The following SI variants were observed in gnomAD, a reference collection of about 807,000 sequenced individuals.
SI encodes sucrase-isomaltase, intestinal.
Under a neutral mutation model 253.3 loss-of-function variants are expected in SI, and 235 were observed. That is an observed-to-expected ratio of 0.93 (90% CI 0.83 to 1.03). The LOEUF (loss-of-function observed/expected upper bound fraction) is 1.03. Ranked by LOEUF, SI falls within the 50% of genes least tolerant of loss-of-function variation. SI has a pLI of 0.00. For synonymous variants in SI, 819 were observed against 712.0 expected (o/e 1.15, Z -2.39); for missense variants, 2,442 against 2,211.1 (o/e 1.10, Z -2.09).
the SI span, among the ~76,000 whole-genome samples, chr3:165,083,903 C>G: frequency 6.6e-6 from 1 of 152,044 alleles, no homozygotes; most frequent in Non-Finnish European, 1.5e-5. Context: ...AAAGGAGTTT[C>G]ACTCATGCTT....
At chr3:164,999,042 C>T (rs1290332860) in intron 37 of SI, among the ~76,000 whole-genome samples, 3 of 151,874 alleles carry the variant, frequency 2.0e-5, no homozygotes, top group Non-Finnish European at 4.4e-5. Context: ...CTATTCATTG[C>T]CCCAACGCCT....
chr3:165,037,454 C>T (rs1712589705), intron 21 of SI, among the ~76,000 whole-genome samples: 1 of 151,826 alleles, frequency 6.6e-6, no homozygotes, highest in Admixed American at 6.6e-5. Flanking sequence ...TAGTTTCTCT[C>T]TCGCTCTTTA....
chr3:165,063,284 G>T (rs540881038), intron 8 of SI, among the ~76,000 whole-genome samples, 158 bp downstream of exon 8: 1 of 151,880 alleles, frequency 6.6e-6, no homozygotes, highest in South Asian at 2.1e-4. Flanking sequence ...AATTGATTTT[G>T]TCTTTAATTT....
chr3:164,991,313 T>C (rs779891666), intron 44 of SI, 40 bp downstream of exon 44: 2 of 1,610,562 alleles, frequency 1.2e-6, no homozygotes, highest in East Asian at 2.2e-5. Flanking sequence ...GCATGATGTA[T>C]CTCAAAATTT....
chr3:165,065,345 A>G lies in SI; in HGVS notation c.723T>C (p.Ile241=). The G allele has an allele frequency of 6.3e-7, 1 of 1,597,940 alleles. No individual in the cohort carries two copies. The highest frequency in any genetic ancestry group is 1.1e-5 in the South Asian group (1 of 90,754). ...TRLPSDYIYG[I]GEQVHKRFRH... Reference sequence around the variant, plus strand: ...GAAATCTCTTATGAACTTGTTCTCCAATACCATAAATATAATCACTTGGAA... The same window carrying G: ...GAAATCTCTTATGAACTTGTTCTCCGATACCATAAATATAATCACTTGGAA... The change falls in exon 7 of 48, where the codon ATT becomes ATC. Residue 241 remains isoleucine (I), a synonymous_variant. Transcript: ENST00000264382.
chr3:164,991,012 T>A (rs963710518), intron 44 of SI, among the ~76,000 whole-genome samples: 5 of 152,088 alleles, frequency 3.3e-5, no homozygotes, highest in Non-Finnish European at 5.9e-5. Context: ...AAATAATGGA[T>A]AGATTTGTTT....
intron 44 of SI, among the ~76,000 whole-genome samples, chr3:164,989,544 G>GAA (rs1717632971): frequency 6.6e-6 from 1 of 151,980 alleles, no homozygotes; most frequent in South Asian, 2.1e-4. Context: ...TGGACAGCAG[G>GAA]ACACTTAGTA....
chr3:164,984,931 C>T (rs1322307985), intron 45 of SI, among the ~76,000 whole-genome samples: 3 of 152,078 alleles, frequency 2.0e-5, no homozygotes, highest in African/African-American at 4.8e-5. Flanking sequence ...ATGGTTTTCG[C>T]TGTTAACTCA....
chr3:165,084,579 ATATT>A, the SI span, among the ~76,000 whole-genome samples: 3 of 151,982 alleles, frequency 2.0e-5, no homozygotes, highest in Non-Finnish European at 4.4e-5. Flanking sequence ...ATGTCTGAGA[ATATT>A]TATAATTATC....
intron 12 of SI, among the ~76,000 whole-genome samples, chr3:165,057,983 CT>C (rs1369344253): frequency 6.6e-6 from 1 of 151,766 alleles, no homozygotes; most frequent in East Asian, 1.9e-4. Context: ...TACAGACATT[CT>C]TTTTTTCAGC....
chr3:165,073,222 C>G lies in SI; in HGVS notation c.255+1309G>C, dbSNP rs559471759. On this transcript the variant is annotated intron_variant, in intron 3 of 47. Coordinates refer to ENST00000264382, the MANE Select transcript of SI (RefSeq NM_001041.4). Reference sequence around the variant, plus strand: ...TCTCTCTCTCTCTCTCTCTCTCTCTCTCTCTGTCTCTTTCCCTCTCTCTCT... The same window carrying G: ...TCTCTCTCTCTCTCTCTCTCTCTCTGTCTCTGTCTCTTTCCCTCTCTCTCT... 2.8e-3 allele frequency among the ~76,000 whole-genome samples: 377 copies of G among 132,496 alleles called. 2 individuals are homozygous for G. The highest frequency in any genetic ancestry group is 4.2e-3 in the Non-Finnish European group (262 of 62,906). 86.9% of individuals were successfully genotyped at this position (132,496 alleles called of 152,430 possible). A position where few individuals can be genotyped will look rare whatever the true frequency, so the allele number is the denominator to read the frequency against.
At chr3:165,076,442 G>C (rs1421292915) in intron 1 of SI, among the ~76,000 whole-genome samples, 3 of 151,656 alleles carry the variant, frequency 2.0e-5, no homozygotes, top group Non-Finnish European at 4.4e-5. Flanking sequence ...ACATTTTACT[G>C]ATCAGGAACT....
upstream of SI, among the ~76,000 whole-genome samples, chr3:165,081,376 G>T (rs1275038253): frequency 6.6e-6 from 1 of 151,932 alleles, no homozygotes; most frequent in Non-Finnish European, 1.5e-5. Flanking sequence ...GACACCTAGT[G>T]TAATTAGAAC....
rs1047177611 is a variant in SI, at chr3:165,046,740, G to A, written c.1887+101C>T. 4.1e-6 allele frequency: 4 copies of A among 970,038 alleles called. No individual in the cohort carries two copies. In the African/African-American group the frequency reaches 5.0e-5, roughly 12 times the overall value. 60.1% of individuals were successfully genotyped at this position (970,038 alleles called of 1,614,324 possible). A position where few individuals can be genotyped will look rare whatever the true frequency, so the allele number is the denominator to read the frequency against. The stretch of plus-strand genomic sequence containing the variant: ...AAAAATAAAAAACTGAATTATTTCT[G>A]TAACATGCCTTTTGATCATTTTACT... On this transcript the variant is annotated intron_variant, in intron 16 of 47. Transcript: ENST00000264382.
chr3:165,086,185 C>A, the SI span, among the ~76,000 whole-genome samples: 1 of 151,982 alleles, frequency 6.6e-6, no homozygotes, highest in African/African-American at 2.4e-5. Flanking sequence ...ACCCAGGAAG[C>A]AGAGGTTGCA....
rs569403507 is a variant in SI, at chr3:165,040,065, ATTG to A, written c.2160-97_2160-95del. 3.8e-4 allele frequency: 365 copies of A among 950,746 alleles called. 1 individual carries two copies. In the African/African-American group the frequency reaches 5.4e-3, roughly 14 times the overall value. The allele number at this position is 950,746 out of a possible 1,614,324, so 58.9% of individuals were successfully genotyped here. A position where few individuals can be genotyped will look rare whatever the true frequency, so the allele number is the denominator to read the frequency against. ...TTATCTTTTCAGTTTTTTCCTGGGA[ATTG>A]TTGTTATCTTGAATTGTGCTTGTTT... On this transcript the variant is annotated intron_variant, in intron 18 of 47. Transcript: ENST00000264382.
At chr3:165,071,715 G>A (rs1714588778) in intron 3 of SI, among the ~76,000 whole-genome samples, 1 of 151,956 alleles carries the variant, frequency 6.6e-6, no homozygotes. Flanking sequence ...ATAAGAAGAG[G>A]AAAAGACAGC....
chr3:165,058,840 T>C (rs570307275), intron 12 of SI, 123 bp downstream of exon 12: 1 of 630,158 alleles, frequency 1.6e-6, no homozygotes, highest in East Asian at 2.9e-5. Context: ...AATATAAAAT[T>C]CAGACTTGAA....
At chr3:165,076,978 G>GTTTT (rs770851693) in intron 1 of SI, among the ~76,000 whole-genome samples, 2 of 106,902 alleles carry the variant, frequency 1.9e-5, no homozygotes, top group Non-Finnish European at 2.1e-5. Flanking sequence ...ATCACGGTTT[G>GTTTT]TTTTTTTTTT....
Sources: gnomAD v4.1 joint callset for allele counts (sites outside exome capture counted in the v4.1 genomes callset) on GRCh38, gnomAD v4.1.1 for gene constraint, MANE v1.5 for transcripts, NCBI Gene and HGNC (gene_info 2026-07-23, HGNC 2026-07-21) for gene names.